TSPAN31: variants seen among roughly 807,000 people sequenced by gnomAD.
TSPAN31 encodes the protein tetraspanin 31.
TSPAN31 carries 16 observed loss-of-function variants against 24.8 expected under a neutral mutation model. The ratio of observed to expected loss-of-function variants is 0.64; its 90% CI spans 0.44 to 0.98. TSPAN31 has a LOEUF of 0.98. Ranked by LOEUF, TSPAN31 falls within the 50% of genes least tolerant of loss-of-function variation. TSPAN31 has a pLI of 0.00. For missense variants in TSPAN31, 209 were observed against 251.6 expected (o/e 0.83, Z 1.15); for synonymous variants, 87 against 91.4 (o/e 0.95, Z 0.27).
rs766092188 is a variant in TSPAN31, at chr12:57,748,609, C to A, written c.*1319C>A. On this transcript the variant is annotated 3_prime_UTR_variant, in exon 6 of 6. Transcript: ENST00000257910. ...AGATTCGCTTGTGTGGGTTAAAAGT[C>A]AGCATTTCCTGAGGGGAGAGGCAAA... 2 of 1,613,136 alleles carry A rather than the reference C, an allele frequency of 1.2e-6. No individual in the cohort carries two copies. Among genetic ancestry groups the A allele is most frequent in the East Asian group, 2.2e-5 (1 of 44,876 alleles).
rs762598688 is a variant in TSPAN31 at position 57,745,917 on chromosome 12, C to A, written c.231+5C>A. On this transcript the variant is annotated splice_donor_5th_base_variant and intron_variant, in intron 2 of 5. Coordinates refer to ENST00000257910, the MANE Select transcript of TSPAN31 (RefSeq NM_005981.5). ...CACCAAGTCCTGCTGTTCTTTGTAT[C>A]CTGACCTGAAGTGATGGGGGCAACC... is the stretch of plus-strand genomic sequence containing the variant. The A allele has an allele frequency of 1.9e-6, 3 of 1,596,796 alleles. No individual in the cohort carries two copies. Among genetic ancestry groups the A allele is most frequent in the Non-Finnish European group, 2.6e-6 (3 of 1,172,136 alleles).
intron 4 of TSPAN31, 119 bp downstream of exon 4, chr12:57,746,839 A>T: frequency 1.4e-6 from 2 of 1,467,158 alleles, no homozygotes; most frequent in East Asian, 2.3e-5. Context: ...GCCCTCTTGT[A>T]TTGGGGCTGT....
At chr12:57,746,844 G>A in intron 4 of TSPAN31, 124 bp downstream of exon 4, 1 of 1,475,956 alleles carries the variant, frequency 6.8e-7, no homozygotes, top group East Asian at 2.3e-5. Flanking sequence ...CTTGTATTGG[G>A]GCTGTGTTGG....
Position 57,748,750 on chromosome 12 carries a change from G to A in TSPAN31, c.*1460G>A, listed in dbSNP as rs1416223480. 5.9e-6 allele frequency: 4 copies of A among 674,850 alleles called. No individual in the cohort carries two copies. The highest frequency in any genetic ancestry group is 1.1e-5 in the Non-Finnish European group (4 of 379,668). 41.8% of individuals were successfully genotyped at this position (674,850 alleles called of 1,614,324 possible). ...AGACGGAGTCTCGCTCTATCACCCA[G>A]GCTGGAGTGCAATGGTATGATCTCA... On this transcript the variant is annotated 3_prime_UTR_variant, in exon 6 of 6. Coordinates refer to ENST00000257910, the MANE Select transcript of TSPAN31 (RefSeq NM_005981.5).
Position 57,745,870 on chromosome 12 carries a change from A to C in TSPAN31, c.189A>C (p.Gly63=), listed in dbSNP as rs749413613. 6.2e-7 allele frequency: 1 copy of C among 1,613,060 alleles called. No individual in the cohort carries two copies. Among genetic ancestry groups the C allele is most frequent in the East Asian group, 2.2e-5 (1 of 44,882 alleles). Reference sequence around the variant, plus strand: ...TCCTTCTCCTTATTGCAGTGGCTGGACTGGTGGGTGCTGTCAACCACCACC... The same window carrying C: ...TCCTTCTCCTTATTGCAGTGGCTGGCCTGGTGGGTGCTGTCAACCACCACC... ...GVFLLLIAVA[G]LVGAVNHHQV... is the part of the protein sequence containing the mutation. Residue 63 remains glycine, a synonymous_variant, in exon 2 of 6, where the codon GGA becomes GGC. Coordinates refer to ENST00000257910, the MANE Select transcript of TSPAN31 (RefSeq NM_005981.5).
chr12:57,746,758 T>C (rs1221277491), intron 4 of TSPAN31, 38 bp downstream of exon 4: 3 of 1,612,888 alleles, frequency 1.9e-6, no homozygotes, highest in East Asian at 2.2e-5. Context: ...CCAGGGGAGG[T>C]AGGAAACTGG....
Position 57,745,092 on chromosome 12 carries a change from A to C in TSPAN31, c.-63A>C. On this transcript the variant is annotated 5_prime_UTR_variant, in exon 1 of 6. Transcript: ENST00000257910. ...AGACAGAAGCTGTCGGGGTCCTGGA[A>C]GACGGTCCCCAATACCCTCCCCCCA... The C allele has an allele frequency of 1.4e-6, 2 of 1,479,984 alleles. No homozygotes were observed. Among genetic ancestry groups the C allele is most frequent in the Admixed American group, 3.9e-5 (2 of 51,138 alleles). 91.7% of individuals were successfully genotyped at this position (1,479,984 alleles called of 1,614,324 possible).
Position 57,748,708 on chromosome 12 carries a change from CTT to C in TSPAN31, c.*1432_*1433del, listed in dbSNP as rs545773931. 5,619 of 671,708 alleles carry C rather than the reference CTT, an allele frequency of 8.4e-3. No individual in the cohort carries two copies. The highest frequency in any genetic ancestry group is 9.6e-3 in the Non-Finnish European group (3,739 of 390,496). 41.6% of individuals were successfully genotyped at this position (671,708 alleles called of 1,614,324 possible). A position where few individuals can be genotyped will look rare whatever the true frequency, so the allele number is the denominator to read the frequency against. On this transcript the variant is annotated 3_prime_UTR_variant, in exon 6 of 6. Coordinates refer to ENST00000257910, the MANE Select transcript of TSPAN31 (RefSeq NM_005981.5). ...CCTGGGATGAGCTTTCTTCTTTTTT[CTT>C]TTTTTTTTTTTTTGAGACGGAGTCT...
At chr12:57,745,407 T>A (rs1955134978) in intron 1 of TSPAN31, 190 bp downstream of exon 1, 2 of 621,768 alleles carry the variant, frequency 3.2e-6, no homozygotes, top group African/African-American at 3.8e-5. Context: ...GGGGTTTGTC[T>A]GAGGGTGGGG....
intron 3 of TSPAN31, 42 bp downstream of exon 3, chr12:57,746,298 T>C (rs1225066916): frequency 6.3e-7 from 1 of 1,578,568 alleles, no homozygotes; most frequent in Admixed American, 1.7e-5. Flanking sequence ...CTTTTTAAAA[T>C]TTTCCTCTTA....
chr12:57,746,188 C>G lies in TSPAN31; in HGVS notation c.244C>G (p.Leu82Val). 1.2e-6 allele frequency: 2 copies of G among 1,614,030 alleles called. No homozygotes were observed. Among genetic ancestry groups the G allele is most frequent in the Non-Finnish European group, 1.7e-6 (2 of 1,179,896 alleles). The stretch of plus-strand genomic sequence containing the variant: ...CCTTTCCTCTCAGTACATGATCATC[C>G]TTGGTTTGGTCTTCATCTTCCAATT... ...QVLLFFYMII[L>V]GLVFIFQFVI... The change falls in exon 3 of 6, where the codon CTT becomes GTT. Residue 82 changes from leucine (L) to valine (V), a missense_variant. Coordinates refer to ENST00000257910, the MANE Select transcript of TSPAN31 (RefSeq NM_005981.5).
At chr12:57,747,191 T>A in intron 5 of TSPAN31, 25 bp from the exon 6 acceptor site, 1 of 1,613,576 alleles carries the variant, frequency 6.2e-7, no homozygotes, top group African/African-American at 1.3e-5. Flanking sequence ...AATTGATACT[T>A]ATCTCTCTCC....
In TSPAN31 at chr12:57,749,555, T is replaced by G. The variant is rs1344005175; in HGVS notation, c.*2265T>G. 5 of 1,553,708 alleles carry G rather than the reference T, an allele frequency of 3.2e-6. No homozygotes were observed. The East Asian group carries it at 1.1e-4, about 35-fold the overall frequency. ...GCAGTCATTTTCAAAGATATCTTAG[T>G]TGAATGGTTACTGCTTAGTGGCTCA... On this transcript the variant is annotated 3_prime_UTR_variant, in exon 6 of 6. Transcript: ENST00000257910.
chr12:57,746,188 CTTGGT>C lies in TSPAN31; in HGVS notation c.250_254del (p.Val85HisfsTer14), dbSNP rs750603636. 1 of 1,614,030 alleles carries C rather than the reference CTTGGT, an allele frequency of 6.2e-7. No individual in the cohort carries two copies. The highest frequency in any genetic ancestry group is 1.1e-5 in the South Asian group (1 of 91,076). On this transcript the variant is annotated frameshift_variant, in exon 3 of 6. Coordinates refer to ENST00000257910, the MANE Select transcript of TSPAN31 (RefSeq NM_005981.5). LOFTEE classifies it high-confidence loss of function. ...CCTTTCCTCTCAGTACATGATCATC[CTTGGT>C]TTGGTCTTCATCTTCCAATTTGTAA...
Position 57,746,689 on chromosome 12 carries a change from T to C in TSPAN31, c.413T>C (p.Leu138Pro). 6.2e-7 allele frequency: 1 copy of C among 1,614,224 alleles called. No individual in the cohort carries two copies. The highest frequency in any genetic ancestry group is 8.5e-7 in the Non-Finnish European group (1 of 1,180,036). ...TGTGGCTTATTCAACCTCACAACCCTGTATCAACAAGATTATGATTTCTGC... is the reference window on the plus strand; with the variant it reads ...TGTGGCTTATTCAACCTCACAACCCCGTATCAACAAGATTATGATTTCTGC... ...DCCGLFNLTT[L>P]YQQDYDFCTA... The change falls in exon 4 of 6, where the codon CTG becomes CCG. Residue 138 changes from leucine (L) to proline (P), a missense_variant. Leu to Pro is a moderately conservative substitution (Grantham distance 98). Coordinates refer to ENST00000257910, the MANE Select transcript of TSPAN31 (RefSeq NM_005981.5).
In TSPAN31 at chr12:57,745,183, A is replaced by G; in HGVS notation, c.29A>G (p.Lys10Arg). ...GTTTGTGGCGGCTTTGCCTGCTCCA[A>G]GAATGCGCTTTGCGCTCTCAACGTG... MVCGGFACS[K>R]NALCALNVVY... Residue 10 changes from lysine (K) to arginine (R), a missense_variant, in exon 1 of 6, where the codon AAG becomes AGG. Physicochemically the swap from Lys to Arg is conservative, Grantham distance 26. Transcript: ENST00000257910. The G allele has an allele frequency of 6.2e-7, 1 of 1,607,216 alleles. No individual in the cohort carries two copies. Among genetic ancestry groups the G allele is most frequent in the Non-Finnish European group, 8.5e-7 (1 of 1,176,964 alleles).
Position 57,745,772 on chromosome 12 carries a change from G to A in TSPAN31, c.91G>A (p.Ala31Thr), listed in dbSNP as rs1156910749. 2 of 1,613,296 alleles carry A rather than the reference G, an allele frequency of 1.2e-6. No individual in the cohort carries two copies. The highest frequency in any genetic ancestry group is 2.2e-5 in the South Asian group (2 of 91,012). ...GGTGAGCTTGTTGCTCATTGGAGTG[G>A]CTGCTTGGGGCAAGGGCCTGGGTCT... ...MLVSLLLIGV[A>T]AWGKGLGLVS... Residue 31 changes from alanine (A) to threonine (T), a missense_variant, in exon 2 of 6, where the codon GCT (alanine) becomes ACT (threonine). By Grantham distance (58) the Ala-to-Thr change is moderately conservative. Coordinates refer to ENST00000257910, the MANE Select transcript of TSPAN31 (RefSeq NM_005981.5).
In TSPAN31 at chr12:57,747,748, T is replaced by C. The variant is rs1362179846; in HGVS notation, c.*458T>C. 2 of 137,170 alleles carry C rather than the reference T, an allele frequency of 1.5e-5. No individual in the cohort carries two copies. Among genetic ancestry groups the C allele is most frequent in the African/African-American group, 2.5e-5 (1 of 39,294 alleles). The allele number at this position is 137,170 out of a possible 1,614,324, so 8.5% of individuals were successfully genotyped here. ...AAAAGCCATTTAAAAATCTATATTC[T>C]TTTTTTTTTTTTGACACAGAGTCTT... On this transcript the variant is annotated 3_prime_UTR_variant, in exon 6 of 6. Coordinates refer to ENST00000257910, the MANE Select transcript of TSPAN31 (RefSeq NM_005981.5).
Position 57,750,055 on chromosome 12 carries a change from G to A in TSPAN31, c.*2765G>A, listed in dbSNP as rs919757886. On this transcript the variant is annotated 3_prime_UTR_variant, in exon 6 of 6. Coordinates refer to ENST00000257910, the MANE Select transcript of TSPAN31 (RefSeq NM_005981.5). ...TGTAGTCTCAGCTACTCAAGAGGCT[G>A]AGATGGGAGGATTGCTTTAGCCCAG... The A allele has an allele frequency of 6.2e-6, 1 of 160,330 alleles. No homozygotes were observed. Among genetic ancestry groups the A allele is most frequent in the Non-Finnish European group, 1.4e-5 (1 of 73,110 alleles). The allele number at this position is 160,330 out of a possible 1,614,324, so 9.9% of individuals were successfully genotyped here.
Sources: allele counts gnomAD v4.1 joint callset, GRCh38; gene constraint gnomAD v4.1.1; transcripts MANE v1.5; gene names NCBI Gene and HGNC (gene_info 2026-07-23, HGNC 2026-07-21).